The following ARID1A variants were observed in gnomAD, a reference collection of about 807,000 sequenced individuals.
ARID1A encodes AT-rich interactive domain-containing protein 1A.
A neutral mutation model predicts 212.6 loss-of-function variants in ARID1A; 20 were observed. That is an observed-to-expected ratio of 0.09 (90% CI 0.07 to 0.14). The LOEUF is 0.14. Ranked by LOEUF, ARID1A falls within the 10% of genes least tolerant of loss-of-function variation. ARID1A has a pLI of 1.00. For missense variants in ARID1A, 2,587 were observed against 3,059.0 expected (o/e 0.85, Z 3.64); for synonymous variants, 1,376 against 1,222.1 (o/e 1.13, Z -2.63).
intron 1 of ARID1A, among the ~76,000 whole-genome samples, chr1:26,716,878 G>A (rs1295185604): frequency 1.3e-5 from 2 of 152,036 alleles, no homozygotes; most frequent in African/African-American, 4.8e-5. Flanking sequence ...TGCCTGCCTC[G>A]CCCTCCCAAA....
At chr1:26,724,044 TA>T (rs1354196007) in intron 1 of ARID1A, among the ~76,000 whole-genome samples, 1 of 152,114 alleles carries the variant, frequency 6.6e-6, no homozygotes, top group African/African-American at 2.4e-5. Flanking sequence ...GGGAATCAAT[TA>T]GGGGGGTTCT....
intron 1 of ARID1A, among the ~76,000 whole-genome samples, chr1:26,703,460 GTTTTTT>G (rs2080357366): frequency 1.3e-5 from 2 of 152,262 alleles, no homozygotes; most frequent in Non-Finnish European, 2.9e-5. Context: ...TATAAGAAGT[GTTTTTT>G]ACACCAGAGT....
rs2081096764 is a variant in ARID1A, at chr1:26,772,947, C to G, written c.3675C>G (p.Ser1225=). The change falls in exon 14 of 20, where the codon TCC becomes TCG. Residue 1225 remains serine (S), a synonymous_variant. Transcript: ENST00000324856. ...CCTCTGACATGATGGGGCGCATGTC[C>G]TATGAGCCAAATAAGGATCCTTATG... is the stretch of plus-strand genomic sequence containing the variant. ...MNTSDMMGRM[S]YEPNKDPYGS... 6.2e-7 allele frequency: 1 copy of G among 1,613,644 alleles called. No homozygotes were observed. Among genetic ancestry groups the G allele is most frequent in the African/African-American group, 1.3e-5 (1 of 74,964 alleles).
intron 1 of ARID1A, among the ~76,000 whole-genome samples, chr1:26,709,626 C>CATTTTT (rs1180563591): frequency 8.4e-6 from 1 of 118,508 alleles, no homozygotes; most frequent in Non-Finnish European, 1.7e-5. Flanking sequence ...TACTGTAATG[C>CATTTTT]TTTTTTTTTT....
rs1371851589 is a variant in ARID1A at position 26,779,488 on chromosome 1, G to A, written c.5590G>A (p.Glu1864Lys). 6.2e-7 allele frequency: 1 copy of A among 1,614,036 alleles called. No individual in the cohort carries two copies. Among genetic ancestry groups the A allele is most frequent in the Non-Finnish European group, 8.5e-7 (1 of 1,180,042 alleles). Residue 1864 changes from glutamate to lysine, a missense_variant, in exon 20 of 20, where the codon GAG (glutamate) becomes AAG (lysine). By Grantham distance (56) the Glu-to-Lys change is moderately conservative (BLOSUM62 1). Coordinates refer to ENST00000324856, the MANE Select transcript of ARID1A (RefSeq NM_006015.6). ...CCAGACCCACTTCGAGAGCAAGACA[G>A]AGCTGCTGCCTTCCCGGCCTCACGC... is the stretch of plus-strand genomic sequence containing the variant. ...HIQTHFESKT[E>K]LLPSRPHAPC... is the part of the protein sequence containing the mutation.
At chr1:26,736,047 G>A (rs546106751) in intron 4 of ARID1A, among the ~76,000 whole-genome samples, 55 of 152,264 alleles carry the variant, frequency 3.6e-4, no homozygotes, top group African/African-American at 2.9e-4. Flanking sequence ...AAAAAAGGCC[G>A]GGCGTGGTGG....
intron 4 of ARID1A, among the ~76,000 whole-genome samples, chr1:26,757,932 C>G (rs2080957327): frequency 6.6e-6 from 1 of 152,194 alleles, no homozygotes; most frequent in African/African-American, 2.4e-5. Flanking sequence ...GCTACTGCGC[C>G]TGGCCAACAT....
intron 2 of ARID1A, among the ~76,000 whole-genome samples, chr1:26,730,638 G>A (rs1207807136): frequency 1.3e-5 from 2 of 151,898 alleles, no homozygotes; most frequent in Non-Finnish European, 2.9e-5. Flanking sequence ...GCCTAAAATA[G>A]TGCCTGGTAC....
At chr1:26,778,803 G>A in intron 19 of ARID1A, 1 of 427,248 alleles carries the variant, frequency 2.3e-6, no homozygotes, top group Non-Finnish European at 4.1e-6. Context: ...TGTTCCTGGA[G>A]ATAGGCTTAC....
intron 19 of ARID1A, among the ~76,000 whole-genome samples, chr1:26,777,484 A>G (rs1274729105): frequency 6.7e-6 from 1 of 150,028 alleles, no homozygotes; most frequent in Non-Finnish European, 1.5e-5. Context: ...GACCTACCTC[A>G]GCCTCTCAAA....
intron 3 of ARID1A, among the ~76,000 whole-genome samples, chr1:26,732,096 G>A (rs543321496): frequency 6.6e-6 from 1 of 152,294 alleles, no homozygotes; most frequent in East Asian, 1.9e-4. Context: ...CTCAGTGGTG[G>A]CAAATCTTAT....
In ARID1A at chr1:26,774,880, C is replaced by A. The variant is rs2124121240; in HGVS notation, c.4653C>A (p.Arg1551=). 1 of 1,591,878 alleles carries A rather than the reference C, an allele frequency of 6.3e-7. No individual in the cohort carries two copies. The part of the protein sequence containing the change: ...HEGSWPSHGT[R]QPPYGPSAPV... ...GCTCGTGGCCTTCCCATGGCACACG[C>A]CAGCCCCCATATGGTCCCTCTGCCC... Residue 1551 remains arginine (R), a synonymous_variant, in exon 18 of 20, where the codon CGC becomes CGA. Coordinates refer to ENST00000324856, the MANE Select transcript of ARID1A (RefSeq NM_006015.6). The surrounding 1 kb of genome is among the most constrained non-coding windows in gnomAD (Gnocchi z 5.6).
intron 1 of ARID1A, among the ~76,000 whole-genome samples, chr1:26,712,618 G>C (rs569225679): frequency 1.2e-3 from 177 of 152,234 alleles, no homozygotes; most frequent in African/African-American, 4.0e-3. Flanking sequence ...TTGAGCCCAG[G>C]AGTTTATTGG....
intron 4 of ARID1A, among the ~76,000 whole-genome samples, chr1:26,751,653 G>A (rs1306705561): frequency 6.6e-6 from 1 of 152,212 alleles, no homozygotes; most frequent in Non-Finnish European, 1.5e-5. Flanking sequence ...GGTTGAATAT[G>A]TGATAGTCAC....
Position 26,731,600 on chromosome 1 carries a change from C to T in ARID1A, c.1799C>T (p.Pro600Leu), listed in dbSNP as rs764766076. ...TAYSQQRFPP[P>L]QELSQDSFGS... ...TATTCCCAGCAGCGCTTCCCTCCAC[C>T]GCAGGTAAGATATCCCTGCCTCCTG... is the stretch of plus-strand genomic sequence containing the variant. Residue 600 changes from proline to leucine, a missense_variant, in exon 3 of 20, where the codon CCG becomes CTG. Physicochemically the swap from Pro to Leu is moderately conservative, Grantham distance 98. This residue lies in a region of ARID1A where 674 missense variants were observed against 813.4 expected (regional missense o/e 0.83). Transcript: ENST00000324856. The T allele has an allele frequency of 2.8e-5, 45 of 1,613,138 alleles. No individual in the cohort carries two copies. The highest frequency in any genetic ancestry group is 1.6e-4 in the Middle Eastern group (1 of 6,082).
rs2081112289 is a variant in ARID1A at position 26,774,187 on chromosome 1, A to G, written c.4102-142A>G. ...GTGGTTGCTTTTGGAAACAACTTCA[A>G]AAGACAATTTGTTAAGGTGATTCCC... On this transcript the variant is annotated intron_variant, in intron 17 of 19. Transcript: ENST00000324856. This position sits in a 1 kb window ranked among gnomAD's most constrained non-coding sequence, Gnocchi z 5.6. The G allele has an allele frequency of 1.4e-6, 2 of 1,431,124 alleles. No individual in the cohort carries two copies. Among genetic ancestry groups the G allele is most frequent in the East Asian group, 2.5e-5 (1 of 40,518 alleles). 88.7% of individuals were successfully genotyped at this position (1,431,124 alleles called of 1,614,324 possible).
At chr1:26,725,399 G>A (rs2080606607) in intron 1 of ARID1A, among the ~76,000 whole-genome samples, 1 of 152,134 alleles carries the variant, frequency 6.6e-6, no homozygotes, top group African/African-American at 2.4e-5. Context: ...ATTTCACGAT[G>A]GTTTTAAATG....
chr1:26,766,014 C>T, intron 8 of ARID1A: 1 of 583,772 alleles, frequency 1.7e-6, no homozygotes, highest in East Asian at 3.0e-5. Flanking sequence ...TGCATTCCAG[C>T]CAGGGTGCCA....
intron 4 of ARID1A, among the ~76,000 whole-genome samples, chr1:26,742,894 C>T (rs898600760): frequency 4.6e-5 from 7 of 152,088 alleles, no homozygotes; most frequent in African/African-American, 1.4e-4. Flanking sequence ...CCCTTGAACC[C>T]GAGAGGCGGA....
Sources: gnomAD v4.1 joint callset for allele counts (sites outside exome capture counted in the v4.1 genomes callset) on GRCh38, gnomAD v4.1.1 for gene constraint, gnomAD v4.1.1 regional missense constraint, Gnocchi (gnomAD v3.1) non-coding constraint, MANE v1.5 for transcripts, NCBI Gene and HGNC (gene_info 2026-07-23, HGNC 2026-07-21) for gene names.